Variants in TTK observed in about 807,000 individuals in gnomAD.
TTK encodes the protein dual specificity protein kinase TTK.
TTK carries 59 observed loss-of-function variants against 117.3 expected under a neutral mutation model. That is an observed-to-expected ratio of 0.50 (90% CI 0.41 to 0.62). The LOEUF (loss-of-function observed/expected upper bound fraction) is 0.62. Among genes scored for constraint, TTK ranks in the 20% least tolerant of loss-of-function variants. TTK has a pLI of 0.00. For synonymous variants in TTK, 302 were observed against 325.0 expected, an observed-to-expected ratio of 0.93 and a Z score of 0.76; for missense variants, 921 against 989.4, an observed-to-expected ratio of 0.93 and a Z score of 0.93.
At chr6:80,039,226 C>T (rs988759382) in intron 18 of TTK, among the ~76,000 whole-genome samples, 8 of 151,886 alleles carry the variant, frequency 5.3e-5, no homozygotes, top group African/African-American at 1.7e-4. Context: ...ACACAAGCTC[C>T]GCATAGTTCT....
intron 11 of TTK, among the ~76,000 whole-genome samples, chr6:80,024,911 T>TAG (rs1767565289): frequency 6.6e-6 from 1 of 152,176 alleles, no homozygotes. Flanking sequence ...TTTTGATACT[T>TAG]CTGACTTACT....
intron 1 of TTK, among the ~76,000 whole-genome samples, chr6:80,005,127 C>G (rs1236908384): frequency 2.0e-5 from 3 of 152,058 alleles, no homozygotes; most frequent in Non-Finnish European, 4.4e-5. Flanking sequence ...GACTTTTTTT[C>G]ATTGTTAAAC....
intron 10 of TTK, among the ~76,000 whole-genome samples, chr6:80,015,263 GTC>G (rs1263549438): frequency 1.3e-5 from 2 of 152,172 alleles, no homozygotes; most frequent in African/African-American, 4.8e-5. Flanking sequence ...ACAAGAGACT[GTC>G]TAGTTATGCT....
In TTK at chr6:80,027,865, A is replaced by AAT. The variant is rs749945284; in HGVS notation, c.1395-9_1395-8dup. 5.8e-5 allele frequency: 85 copies of AAT among 1,470,942 alleles called. No homozygotes were observed. The Middle Eastern group carries it at 8.9e-4, about 15-fold the overall frequency. 91.1% of individuals were successfully genotyped at this position (1,470,942 alleles called of 1,614,324 possible). On this transcript the variant is annotated intron_variant, in intron 12 of 21. Coordinates refer to ENST00000369798, the MANE Select transcript of TTK (RefSeq NM_003318.5). ...GTTAAATTGTAATGTTTTAAATAAA[A>AAT]ATATATATATATTTCCTAGTTTTAG...
At chr6:80,023,916 A>G (rs1767535638) in intron 11 of TTK, among the ~76,000 whole-genome samples, 1 of 152,242 alleles carries the variant, frequency 6.6e-6, no homozygotes, top group Non-Finnish European at 1.5e-5. Context: ...CTAGATGATA[A>G]GGATCCTGAT....
intron 17 of TTK, chr6:80,037,538 T>C (rs1308763808): frequency 1.3e-5 from 2 of 152,722 alleles, no homozygotes; most frequent in Non-Finnish European, 2.9e-5. Context: ...TTTTTTAAAG[T>C]TGAGTATGTT....
At chr6:80,030,176 T>G (rs993170714) in intron 13 of TTK, among the ~76,000 whole-genome samples, 6 of 152,226 alleles carry the variant, frequency 3.9e-5, no homozygotes, top group Admixed American at 1.3e-4. Flanking sequence ...TGAGGTTTAT[T>G]CAGACCTTGT....
intron 21 of TTK, 55 bp from the exon 22 acceptor site, chr6:80,042,064 T>A: frequency 1.9e-6 from 2 of 1,054,426 alleles, no homozygotes; most frequent in East Asian, 2.4e-5. Flanking sequence ...TCTACTGATG[T>A]GACAGTACAT....
At chr6:80,013,915 G>A (rs75827344) in intron 9 of TTK, among the ~76,000 whole-genome samples, 3,596 of 152,150 alleles carry the variant, frequency 0.024, 58 homozygotes, top group African/African-American at 0.027. Context: ...GCATCATGAT[G>A]TGGGTCTTTT....
Position 80,035,047 on chromosome 6 carries a change from A to G in TTK, c.1677A>G (p.Glu559=). ...IYAIKYVNLE[E]ADNQTLDSYR... ...CTATAAAATATGTGAACTTAGAAGA[A>G]GCAGATAACCAAACTCTTGATAGTT... Residue 559 remains glutamate, a synonymous_variant, in exon 15 of 22, where the codon GAA becomes GAG. Coordinates refer to ENST00000369798, the MANE Select transcript of TTK (RefSeq NM_003318.5). The G allele has an allele frequency of 6.2e-7, 1 of 1,601,880 alleles. No homozygotes were observed. The highest frequency in any genetic ancestry group is 2.2e-5 in the East Asian group (1 of 44,630).
intron 10 of TTK, among the ~76,000 whole-genome samples, chr6:80,017,356 C>T (rs1268620012): frequency 6.6e-6 from 1 of 152,190 alleles, no homozygotes; most frequent in Non-Finnish European, 1.5e-5. Flanking sequence ...CAGCTCATTG[C>T]AACCTCCGCC....
intron 4 of TTK, among the ~76,000 whole-genome samples, chr6:80,008,884 A>C (rs1767066707): frequency 6.6e-6 from 1 of 151,538 alleles, no homozygotes; most frequent in African/African-American, 2.4e-5. Context: ...CAAAATGTAC[A>C]TTAAAGTGTA....
chr6:80,004,699 C>T lies in TTK; in HGVS notation c.-17C>T, dbSNP rs1215966555. The T allele has an allele frequency of 6.6e-6, 1 of 152,220 alleles. No individual in the cohort carries two copies. The highest frequency in any genetic ancestry group is 6.5e-5 in the Admixed American group (1 of 15,284). 9.4% of individuals were successfully genotyped at this position (152,220 alleles called of 1,614,324 possible). On this transcript the variant is annotated 5_prime_UTR_variant, in exon 1 of 22. Coordinates refer to ENST00000369798, the MANE Select transcript of TTK (RefSeq NM_003318.5). ...GGGTTCCATCTTTTCATTTCCCCAG[C>T]GCAGCTTTCTGTAGGTAAGTTCTGT...
chr6:80,028,826 G>T (rs1249622864), intron 13 of TTK, among the ~76,000 whole-genome samples: 3 of 152,118 alleles, frequency 2.0e-5, no homozygotes, highest in Non-Finnish European at 4.4e-5. Flanking sequence ...TGTCCTAGAG[G>T]CAGCTTAATA....
intron 2 of TTK, among the ~76,000 whole-genome samples, chr6:80,007,570 TG>T (rs1726336940): frequency 6.6e-6 from 1 of 152,112 alleles, no homozygotes; most frequent in African/African-American, 2.4e-5. Flanking sequence ...TATTTCCAAA[TG>T]TTTTCTTTCC....
chr6:80,035,270 A>G lies in TTK; in HGVS notation c.1777A>G (p.Ile593Val), dbSNP rs1233431626. ...CTTTTATTTGTTTAATTGCAGTGAA[A>G]TCACGGACCAGTACATCTACATGGT... is the stretch of plus-strand genomic sequence containing the variant. ...DKIIRLYDYEITDQYIYMVME... is the reference protein window; with the variant it reads ...DKIIRLYDYEVTDQYIYMVME... The change falls in exon 16 of 22, where the codon ATC (isoleucine) becomes GTC (valine). Residue 593 changes from isoleucine (I) to valine (V), a missense_variant. Ile to Val is a conservative substitution (Grantham distance 29). Transcript: ENST00000369798. The G allele has an allele frequency of 1.9e-6, 3 of 1,586,172 alleles. No homozygotes were observed. The highest frequency in any genetic ancestry group is 2.7e-5 in the African/African-American group (2 of 73,200).
intron 19 of TTK, 125 bp from the exon 20 acceptor site, chr6:80,040,071 T>A: frequency 1.0e-6 from 1 of 961,176 alleles, no homozygotes; most frequent in Non-Finnish European, 1.4e-6. Context: ...AATCTTGTCA[T>A]AATACTTTAG....
intron 10 of TTK, among the ~76,000 whole-genome samples, chr6:80,018,555 C>A (rs1011003102): frequency 7.0e-6 from 1 of 142,732 alleles, no homozygotes; most frequent in South Asian, 2.2e-4. Context: ...ACCTGGGAGG[C>A]GGAAGTTGCA....
intron 16 of TTK, among the ~76,000 whole-genome samples, chr6:80,036,104 A>G (rs1767900205): frequency 6.6e-6 from 1 of 152,056 alleles, no homozygotes. Context: ...AGTGAATCAC[A>G]GTGGTTAAGA....
Sources: allele counts gnomAD v4.1 joint callset (sites outside exome capture counted in the v4.1 genomes callset), GRCh38; gene constraint gnomAD v4.1.1; transcripts MANE v1.5; gene names NCBI Gene and HGNC (gene_info 2026-07-23, HGNC 2026-07-21).